The following TGFBR3 variants were observed in gnomAD, a reference collection of about 807,000 sequenced individuals.
TGFBR3 encodes transforming growth factor beta receptor 3.
A neutral mutation model predicts 87.9 loss-of-function variants in TGFBR3; 46 were observed. The observed-to-expected ratio is 0.52, with a 90% CI of 0.41 to 0.67. The LOEUF is 0.67. Ranked by LOEUF, TGFBR3 falls within the 30% of genes least tolerant of loss-of-function variation. TGFBR3 has a pLI of 0.00. For synonymous variants in TGFBR3, 381 were observed against 391.6 expected (o/e 0.97, Z 0.32); for missense variants, 866 against 1,041.9 (o/e 0.83, Z 2.32).
chr1:91,789,531 A>G (rs1443692385), intron 3 of TGFBR3, among the ~76,000 whole-genome samples: 1 of 152,208 alleles, frequency 6.6e-6, no homozygotes. Context: ...GATTTAAGTG[A>G]CGTGACCAAC....
chr1:91,877,430 C>T (rs1034156959), intron 1 of TGFBR3, among the ~76,000 whole-genome samples: 2 of 152,072 alleles, frequency 1.3e-5, no homozygotes, highest in African/African-American at 4.8e-5. Context: ...TGGCTCAAGC[C>T]ATCCTCCTGC....
At chr1:91,849,134 T>A (rs1017956) in intron 2 of TGFBR3, among the ~76,000 whole-genome samples, 71,598 of 151,870 alleles carry the variant, frequency 0.47, 17,074 homozygotes, top group East Asian at 0.61. Context: ...GGTCATCATT[T>A]TCTCTTGCCA....
intron 2 of TGFBR3, among the ~76,000 whole-genome samples, chr1:91,854,006 C>A (rs1476298458): frequency 6.6e-6 from 1 of 152,002 alleles, no homozygotes. Context: ...GAGACTCCAT[C>A]CCACCCCCTC....
At chr1:91,878,746 T>G (rs1192349648) in intron 1 of TGFBR3, among the ~76,000 whole-genome samples, 1 of 152,176 alleles carries the variant, frequency 6.6e-6, no homozygotes, top group Non-Finnish European at 1.5e-5. Context: ...CATCAGCAAT[T>G]TTACACAAAA....
chr1:91,707,246 G>T (rs1328796267), intron 14 of TGFBR3, among the ~76,000 whole-genome samples: 1 of 152,160 alleles, frequency 6.6e-6, no homozygotes, highest in Non-Finnish European at 1.5e-5. Flanking sequence ...AGTGCCTTAG[G>T]CTCCCAGCTC....
chr1:91,861,101 G>C (rs1225401771), intron 2 of TGFBR3, among the ~76,000 whole-genome samples: 1 of 151,906 alleles, frequency 6.6e-6, no homozygotes, highest in Non-Finnish European at 1.5e-5. Flanking sequence ...CCTTATTCAG[G>C]GACAAAAATG....
At chr1:91,756,325 A>G (rs974636194) in intron 4 of TGFBR3, among the ~76,000 whole-genome samples, 4 of 152,170 alleles carry the variant, frequency 2.6e-5, no homozygotes, top group African/African-American at 7.2e-5. Context: ...TATTACTATC[A>G]CAAGTAACTT....
At chr1:91,724,504 TCC>T (rs1265050461) in intron 7 of TGFBR3, among the ~76,000 whole-genome samples, 2 of 152,206 alleles carry the variant, frequency 1.3e-5, no homozygotes, top group Admixed American at 1.3e-4. Flanking sequence ...CTGCCACCTG[TCC>T]TTTTGCACCA....
At chr1:91,730,011 G>A in intron 5 of TGFBR3, 38 bp from the exon 6 acceptor site, 1 of 1,612,234 alleles carries the variant, frequency 6.2e-7, no homozygotes, top group Non-Finnish European at 8.5e-7. Context: ...AACCACTGAG[G>A]TACTCGGTAA....
At chr1:91,740,653 C>G (rs1673130983) in intron 4 of TGFBR3, among the ~76,000 whole-genome samples, 1 of 152,244 alleles carries the variant, frequency 6.6e-6, no homozygotes, top group African/African-American at 2.4e-5. Context: ...GCCTGAGCCA[C>G]TGTGCCCGGT....
intron 11 of TGFBR3, 58 bp from the exon 12 acceptor site, chr1:91,716,452 G>C (rs1185243945): frequency 1.2e-6 from 2 of 1,613,800 alleles, no homozygotes; most frequent in African/African-American, 2.7e-5. Context: ...TGAAGGCCCT[G>C]TAGCTTCATG....
chr1:91,748,194 T>A (rs898705033), intron 4 of TGFBR3, among the ~76,000 whole-genome samples: 1 of 152,224 alleles, frequency 6.6e-6, no homozygotes, highest in African/African-American at 2.4e-5. Context: ...AAATTAGCTC[T>A]GAAGCAAAGG....
intron 4 of TGFBR3, among the ~76,000 whole-genome samples, chr1:91,738,459 C>T (rs1024863385): frequency 6.6e-6 from 1 of 152,154 alleles, no homozygotes; most frequent in African/African-American, 2.4e-5. Flanking sequence ...AGTGAACTCT[C>T]GTCTTGAGTT....
chr1:91,855,979 C>A (rs1677927616), intron 2 of TGFBR3, among the ~76,000 whole-genome samples: 4 of 151,954 alleles, frequency 2.6e-5, no homozygotes. Context: ...CCTTACACAG[C>A]TCGTGTTCAC....
chr1:91,816,940 C>T (rs1410585831), intron 2 of TGFBR3, among the ~76,000 whole-genome samples: 2 of 152,124 alleles, frequency 1.3e-5, no homozygotes, highest in African/African-American at 4.8e-5. Context: ...ATCTTAATGT[C>T]ACCATATATG....
chr1:91,881,475 G>C (rs1679071322), intron 1 of TGFBR3, among the ~76,000 whole-genome samples: 1 of 152,186 alleles, frequency 6.6e-6, no homozygotes, highest in African/African-American at 2.4e-5. Context: ...CCAGTCATCA[G>C]AGCACTGAAT....
At chr1:91,886,643 T>C (rs1431063014), upstream of TGFBR3, among the ~76,000 whole-genome samples, 2 of 152,162 alleles carry the variant, frequency 1.3e-5, no homozygotes, top group African/African-American at 2.4e-5. Context: ...TCTTGCCCTC[T>C]CCCCAGCAGA....
chr1:91,855,011 G>T (rs1210580827), intron 2 of TGFBR3, among the ~76,000 whole-genome samples: 2 of 152,172 alleles, frequency 1.3e-5, no homozygotes, highest in East Asian at 3.8e-4. Flanking sequence ...ACTCAAGGCT[G>T]CCAGCTTGTA....
chr1:91,861,355 A>G lies in TGFBR3; in HGVS notation c.61+116T>C, dbSNP rs1464384419. ...GTAGAGCCTACAGTAAGCCATGATT[A>G]TGCCTCTGCACTCCAGCCTGGGTAA... On this transcript the variant is annotated intron_variant, in intron 2 of 16. Coordinates refer to ENST00000212355, the MANE Select transcript of TGFBR3 (RefSeq NM_003243.5). 3.8e-6 allele frequency: 3 copies of G among 789,646 alleles called. No homozygotes were observed. In the Admixed American group the frequency reaches 5.8e-5, roughly 15 times the overall value. The allele number at this position is 789,646 out of a possible 1,614,324, so 48.9% of individuals were successfully genotyped here.
Sources: allele counts gnomAD v4.1 joint callset (sites outside exome capture counted in the v4.1 genomes callset), GRCh38; gene constraint gnomAD v4.1.1; transcripts MANE v1.5; gene names NCBI Gene and HGNC (gene_info 2026-07-23, HGNC 2026-07-21).